Variants in EFCAB5 observed in about 807,000 individuals in gnomAD.
EFCAB5 encodes EF-hand calcium-binding domain-containing protein 5.
EFCAB5 carries 131 observed loss-of-function variants against 167.9 expected under a neutral mutation model. The observed-to-expected ratio is 0.78, with a 90% CI of 0.68 to 0.90. EFCAB5 has a LOEUF of 0.90. Among genes scored for constraint, EFCAB5 ranks in the 40% least tolerant of loss-of-function variants. The probability of loss-of-function intolerance (pLI) is 0.00; values close to 1 mark genes in which losing one functional copy is unlikely to be tolerated. For synonymous variants in EFCAB5, 574 were observed against 602.8 expected, an observed-to-expected ratio of 0.95 and a Z score of 0.70; for missense variants, 1,663 against 1,745.2, an observed-to-expected ratio of 0.95 and a Z score of 0.84.
At chr17:29,941,624 T>C (rs983468957), upstream of EFCAB5, 10 of 545,052 alleles carry the variant, frequency 1.8e-5, no homozygotes, top group Admixed American at 3.1e-4. Context: ...AGTTCAGCAG[T>C]TGAGAATTTA....
At chr17:30,077,848 G>T (rs769638144) in intron 14 of EFCAB5, among the ~76,000 whole-genome samples, 1 of 152,208 alleles carries the variant, frequency 6.6e-6, no homozygotes, top group Non-Finnish European at 1.5e-5. Flanking sequence ...TGGCTCTGGG[G>T]TTATGAAAGT....
intron 22 of EFCAB5, among the ~76,000 whole-genome samples, chr17:30,103,865 G>T (rs1413799470): frequency 1.3e-5 from 2 of 152,104 alleles, no homozygotes; most frequent in Non-Finnish European, 2.9e-5. Context: ...TAATACAGAA[G>T]AATTAGCCAG....
At chr17:29,990,209 GCCATGCAGA>G (rs903874329) in intron 4 of EFCAB5, among the ~76,000 whole-genome samples, 6 of 152,144 alleles carry the variant, frequency 3.9e-5, no homozygotes, top group African/African-American at 1.2e-4. Flanking sequence ...GGTTGAATTG[GCCATGCAGA>G]TGGCCAGTGC....
intron 4 of EFCAB5, among the ~76,000 whole-genome samples, chr17:29,974,399 T>C (rs928217890): frequency 1.3e-5 from 2 of 151,838 alleles, no homozygotes; most frequent in Non-Finnish European, 2.9e-5. Context: ...AAAATTATCT[T>C]GGCTTGGTGG....
chr17:30,028,471 C>T (rs966923610), intron 7 of EFCAB5, among the ~76,000 whole-genome samples: 22 of 151,958 alleles, frequency 1.4e-4, no homozygotes, highest in South Asian at 2.1e-4. Flanking sequence ...CAGCTTTTGG[C>T]GAGGTTGAGG....
intron 6 of EFCAB5, among the ~76,000 whole-genome samples, chr17:29,998,668 TC>T (rs2068596349): frequency 6.6e-6 from 1 of 152,184 alleles, no homozygotes; most frequent in Admixed American, 6.5e-5. Context: ...TATATAGCCT[TC>T]CTATGGCCAC....
At chr17:30,100,354 G>A (rs1215810249) in intron 22 of EFCAB5, among the ~76,000 whole-genome samples, 3 of 152,172 alleles carry the variant, frequency 2.0e-5, no homozygotes, top group Non-Finnish European at 4.4e-5. Flanking sequence ...TATACACTAT[G>A]GTAGAAAATA....
At chr17:30,025,199 A>T (rs2069284385) in intron 7 of EFCAB5, among the ~76,000 whole-genome samples, 1 of 151,034 alleles carries the variant, frequency 6.6e-6, no homozygotes. Context: ...GCTTCTGCAC[A>T]GCAAAAGAAA....
chr17:29,939,134 A>G (rs1190305644), upstream of EFCAB5, among the ~76,000 whole-genome samples: 1 of 152,230 alleles, frequency 6.6e-6, no homozygotes, highest in Non-Finnish European at 1.5e-5. Context: ...CGTGGGAACA[A>G]CATTAATTAC....
chr17:29,962,627 C>CTA (rs1355080744), intron 3 of EFCAB5, among the ~76,000 whole-genome samples: 2 of 138,334 alleles, frequency 1.4e-5, no homozygotes, highest in African/African-American at 5.3e-5. Flanking sequence ...TGCCACCATG[C>CTA]CTGGCTTTTT....
intron 3 of EFCAB5, among the ~76,000 whole-genome samples, chr17:29,965,936 G>A (rs924939291): frequency 7.9e-5 from 12 of 151,484 alleles, no homozygotes; most frequent in Non-Finnish European, 1.5e-4. Flanking sequence ...TATTTTCATT[G>A]ATAACTAAAA....
chr17:30,004,787 A>ATTTT (rs60231360), intron 7 of EFCAB5, among the ~76,000 whole-genome samples: 5 of 115,136 alleles, frequency 4.3e-5, no homozygotes, highest in African/African-American at 6.9e-5. Context: ...CTCCTGGCTA[A>ATTTT]TTTTTTTTTT....
chr17:30,089,428 G>A (rs1309005958), intron 19 of EFCAB5, among the ~76,000 whole-genome samples: 1 of 152,130 alleles, frequency 6.6e-6, no homozygotes, highest in African/African-American at 2.4e-5. Flanking sequence ...TTTCGAGGAT[G>A]CAAAGTACCA....
intron 7 of EFCAB5, among the ~76,000 whole-genome samples, chr17:30,024,989 A>G (rs1386392131): frequency 6.6e-6 from 1 of 151,796 alleles, no homozygotes; most frequent in East Asian, 1.9e-4. Flanking sequence ...ATATGTAGAA[A>G]GCTGAAACTG....
chr17:29,973,319 A>G (rs113799130), intron 4 of EFCAB5, among the ~76,000 whole-genome samples: 7 of 152,320 alleles, frequency 4.6e-5, no homozygotes, highest in South Asian at 2.1e-4. Flanking sequence ...GGTGTCTTCA[A>G]AAGTGGGTAA....
At chr17:30,026,175 T>A (rs1311732418) in intron 7 of EFCAB5, among the ~76,000 whole-genome samples, 1 of 151,260 alleles carries the variant, frequency 6.6e-6, no homozygotes, top group Non-Finnish European at 1.5e-5. Flanking sequence ...ATAATAATAA[T>A]AAAAAATAAA....
chr17:29,931,680 C>A (rs2067197903), intron 1 of EFCAB5, among the ~76,000 whole-genome samples: 2 of 152,032 alleles, frequency 1.3e-5, no homozygotes, highest in Admixed American at 1.3e-4. Context: ...AACTTTGAAC[C>A]AATGCATGGG....
At chr17:30,048,071 A>C (rs890115072) in intron 8 of EFCAB5, among the ~76,000 whole-genome samples, 1 of 152,236 alleles carries the variant, frequency 6.6e-6, no homozygotes, top group Non-Finnish European at 1.5e-5. Context: ...TAGGATCCCA[A>C]AACACTCCCG....
chr17:30,092,153 A>T lies in EFCAB5; in HGVS notation c.4220A>T (p.Lys1407Ile). The change falls in exon 21 of 23, where the codon AAA (lysine) becomes ATA (isoleucine). Residue 1407 changes from lysine (K) to isoleucine (I), a missense_variant. Transcript: ENST00000394835. Reference protein sequence around the residue: ...SSDFGSWDKCKFYVNKYLVNN... With the variant: ...SSDFGSWDKCIFYVNKYLVNN... ...GACTTTGGAAGTTGGGATAAGTGTA[A>T]ATTTGTAAGTTTTTTTTTAAAAAGC... 2 of 1,601,482 alleles carry T rather than the reference A, an allele frequency of 1.2e-6. No homozygotes were observed. The highest frequency in any genetic ancestry group is 1.7e-6 in the Non-Finnish European group (2 of 1,174,330).
Sources: allele counts gnomAD v4.1 joint callset (sites outside exome capture counted in the v4.1 genomes callset), GRCh38; gene constraint gnomAD v4.1.1; transcripts MANE v1.5; gene names NCBI Gene and HGNC (gene_info 2026-07-23, HGNC 2026-07-21).